Variants in TK1 observed in about 807,000 individuals in gnomAD.
The protein encoded by TK1 is thymidine kinase 1, also known as thymidine kinase, cytosolic.
Under a neutral mutation model 22.4 loss-of-function variants are expected in TK1, and 13 were observed. The ratio of observed to expected loss-of-function variants is 0.58; its 90% CI spans 0.38 to 0.92. The LOEUF (loss-of-function observed/expected upper bound fraction) is 0.92. Ranked by LOEUF, TK1 falls within the 40% of genes least tolerant of loss-of-function variation. The pLI is 0.00. For synonymous variants in TK1, 134 were observed against 125.4 expected (o/e 1.07, Z -0.46); for missense variants, 251 against 315.7 (o/e 0.80, Z 1.55).
In TK1 at chr17:78,186,681, A is replaced by AGGAAAG. The variant is rs1598974902; in HGVS notation, c.98+105_98+106insCTTTCC. The AGGAAAG allele has an allele frequency of 4.8e-5, 37 of 773,572 alleles. No individual in the cohort carries two copies. The East Asian group carries it at 1.4e-3, about 29-fold the overall frequency. 47.9% of individuals were successfully genotyped at this position (773,572 alleles called of 1,614,324 possible). On this transcript the variant is annotated intron_variant, in intron 2 of 6. Coordinates refer to ENST00000301634, the MANE Select transcript of TK1 (RefSeq NM_003258.5). The stretch of plus-strand genomic sequence containing the variant: ...TTCTAGGGGAAGGGAAGGGGAGGGA[A>AGGAAAG]GGGAAGGGGAGGGGAGGGGAGGGGA...
intron 4 of TK1, among the ~76,000 whole-genome samples, chr17:78,180,041 A>C (rs570349110): frequency 6.6e-6 from 1 of 152,350 alleles, no homozygotes; most frequent in African/African-American, 2.4e-5. Flanking sequence ...ACTGCACTCC[A>C]GCCTGGGCCA....
At chr17:78,178,730 C>T (rs921273146) in intron 4 of TK1, among the ~76,000 whole-genome samples, 3 of 152,186 alleles carry the variant, frequency 2.0e-5, no homozygotes, top group Admixed American at 6.6e-5. Context: ...CTGCAACCTT[C>T]GCCTACCGGG....
At chr17:78,178,411 A>C (rs2075715986) in intron 4 of TK1, among the ~76,000 whole-genome samples, 1 of 152,178 alleles carries the variant, frequency 6.6e-6, no homozygotes, top group Non-Finnish European at 1.5e-5. Context: ...GGTACAAAGA[A>C]GCACAGAAGC....
Position 78,174,887 on chromosome 17 carries a change from CCTT to C in TK1, c.574_576del (p.Lys192del). 1 of 1,613,948 alleles carries C rather than the reference CCTT, an allele frequency of 6.2e-7. No individual in the cohort carries two copies. The highest frequency in any genetic ancestry group is 1.1e-5 in the South Asian group (1 of 91,068). ...TCCGGCCCGGCAGGCTGGCCTGAGG[CCTT>C]CTTGAAGTAGCAGAGCCGACACACG... is the stretch of plus-strand genomic sequence containing the variant. On this transcript the variant is annotated inframe_deletion, in exon 7 of 7. Transcript: ENST00000301634.
chr17:78,182,465 T>C (rs1321090138), intron 4 of TK1, 124 bp downstream of exon 4: 1 of 629,902 alleles, frequency 1.6e-6, no homozygotes, highest in African/African-American at 1.9e-5. Context: ...ATTCCAACAC[T>C]AGTTGTAGCT....
At position 78,186,128 on chromosome 17, in the gene TK1, C is replaced by CGGCG. The variant is rs560823734; in HGVS notation, c.98+658_98+659insCGCC. Among the ~76,000 whole-genome samples the CGGCG allele has an allele frequency of 8.8e-5, 13 of 147,264 alleles. No individual in the cohort carries two copies. The East Asian group carries it at 1.0e-3, about 11-fold the overall frequency. On this transcript the variant is annotated intron_variant, in intron 2 of 6. Coordinates refer to ENST00000301634, the MANE Select transcript of TK1 (RefSeq NM_003258.5). Reference sequence around the variant, plus strand: ...TAAAATAAAATTAGCTGGGTGGAGGCGGGGGGGTGCACGCCTGTAGTCCCA... The same window carrying CGGCG: ...TAAAATAAAATTAGCTGGGTGGAGGCGGCGGGGGGGGTGCACGCCTGTAGTCCCA...
Position 78,175,595 on chromosome 17 carries a change from G to A in TK1, c.327C>T (p.Cys109=), listed in dbSNP as rs779861682. ...GQFFPDIVEF[C]EAMANAGKTV... ...TCTTCCCGGCGTTGGCCATGGCCTC[G>A]CAGAACTCCACGATGTCAGGGAACT... The change falls in exon 5 of 7, where the codon TGC becomes TGT. Residue 109 remains cysteine (C), a synonymous_variant. Transcript: ENST00000301634. 54 of 1,613,506 alleles carry A rather than the reference G, an allele frequency of 3.3e-5. No individual in the cohort carries two copies. The highest frequency in any genetic ancestry group is 1.6e-4 in the Middle Eastern group (1 of 6,084).
At chr17:78,183,534 T>A (rs189896011) in intron 3 of TK1, among the ~76,000 whole-genome samples, 1 of 151,542 alleles carries the variant, frequency 6.6e-6, no homozygotes, top group Admixed American at 6.6e-5. Context: ...GTGAAAAAAA[T>A]GTAAAAATTA....
intron 4 of TK1, among the ~76,000 whole-genome samples, chr17:78,180,534 A>G (rs539383526): frequency 5.9e-5 from 9 of 152,254 alleles, no homozygotes; most frequent in Non-Finnish European, 1.0e-4. Context: ...ACCACAGAAT[A>G]TGTTCCTGAG....
intron 3 of TK1, among the ~76,000 whole-genome samples, chr17:78,183,092 C>T (rs981988200): frequency 1.3e-5 from 2 of 152,188 alleles, no homozygotes; most frequent in African/African-American, 2.4e-5. Flanking sequence ...TGGTCTCAGA[C>T]TCCTAACTTT....
intron 4 of TK1, among the ~76,000 whole-genome samples, chr17:78,181,285 T>C (rs971643598): frequency 1.3e-5 from 2 of 151,736 alleles, no homozygotes; most frequent in Non-Finnish European, 2.9e-5. Flanking sequence ...CGGCGGCTCA[T>C]GCCTGTAATT....
Position 78,175,160 on chromosome 17 carries a change from C to T in TK1, c.403G>A (p.Ala135Thr). The T allele has an allele frequency of 6.2e-7, 1 of 1,606,452 alleles. No homozygotes were observed. Among genetic ancestry groups the T allele is most frequent in the Non-Finnish European group, 8.5e-7 (1 of 1,179,156 alleles). Residue 135 changes from alanine to threonine, a missense_variant, in exon 6 of 7, where the codon GCC becomes ACC. Transcript: ENST00000301634. ...GCCAGCGGCACCAGGTTCAGGATGG[C>T]CCCAAATGGCTGCGCTCCCATGGAA... ...DGTFQRKPFG[A>T]ILNLVPLAES... is the part of the protein sequence containing the mutation.
Position 78,175,162 on chromosome 17 carries a change from C to G in TK1, c.401G>C (p.Gly134Ala), listed in dbSNP as rs1341177925. 3.7e-6 allele frequency: 6 copies of G among 1,605,310 alleles called. 1 individual carries two copies. In the South Asian group the frequency reaches 6.6e-5, roughly 18 times the overall value. ...LDGTFQRKPF[G>A]AILNLVPLAE... ...CAGCGGCACCAGGTTCAGGATGGCCCCAAATGGCTGCGCTCCCATGGAAAG... is the reference window on the plus strand; with the variant it reads ...CAGCGGCACCAGGTTCAGGATGGCCGCAAATGGCTGCGCTCCCATGGAAAG... The change falls in exon 6 of 7, where the codon GGG (glycine) becomes GCG (alanine). Residue 134 changes from glycine to alanine, a missense_variant. Physicochemically the swap from Gly to Ala is moderately conservative, Grantham distance 60. Transcript: ENST00000301634.
chr17:78,186,232 A>T (rs1238121408), intron 2 of TK1, among the ~76,000 whole-genome samples: 1 of 152,056 alleles, frequency 6.6e-6, no homozygotes, highest in Non-Finnish European at 1.5e-5. Flanking sequence ...GCAAGATCCT[A>T]CCTCTAGAAG....
At chr17:78,186,720 G>GAGGGA in intron 2 of TK1, 67 bp downstream of exon 2, 1 of 1,297,682 alleles carries the variant, frequency 7.7e-7, no homozygotes, top group South Asian at 1.3e-5. Flanking sequence ...AAGGGGAGGG[G>GAGGGA]AGGGACGGGA....
At chr17:78,182,462 C>T in intron 4 of TK1, 127 bp downstream of exon 4, 1 of 617,846 alleles carries the variant, frequency 1.6e-6, no homozygotes, top group Admixed American at 3.2e-5. Context: ...GGTATTCCAA[C>T]ACTAGTTGTA....
chr17:78,179,380 CGTACGCAGAGGCATGGGGGT>C (rs776530942), intron 4 of TK1: 34 of 985,304 alleles, frequency 3.5e-5, no homozygotes, highest in Non-Finnish European at 4.0e-5. Flanking sequence ...GACGTCTCCA[CGTACGCAGAGGCATGGGGGT>C]GCTCAGGGGC....
intron 2 of TK1, among the ~76,000 whole-genome samples, chr17:78,186,522 C>T (rs984124945): frequency 2.0e-5 from 3 of 151,874 alleles, no homozygotes; most frequent in Non-Finnish European, 4.4e-5. Context: ...GCAGCTGTCA[C>T]CAGCTCCAGG....
chr17:78,179,985 C>T (rs1432339153), intron 4 of TK1, among the ~76,000 whole-genome samples: 1 of 152,170 alleles, frequency 6.6e-6, no homozygotes, highest in African/African-American at 2.4e-5. Flanking sequence ...GCGGGAGAAT[C>T]ACTTGAACCT....
Sources: allele counts gnomAD v4.1 joint callset (sites outside exome capture counted in the v4.1 genomes callset), GRCh38; gene constraint gnomAD v4.1.1; transcripts MANE v1.5; gene names NCBI Gene and HGNC (gene_info 2026-07-23, HGNC 2026-07-21).